Variants in MPPED2 observed in about 807,000 individuals in gnomAD.
MPPED2 encodes the protein metallophosphoesterase MPPED2.
A neutral mutation model predicts 33.0 loss-of-function variants in MPPED2; 5 were observed. That is an observed-to-expected ratio of 0.15 (90% CI 0.08 to 0.32). The LOEUF is 0.32. Among genes scored for constraint, MPPED2 ranks in the 10% least tolerant of loss-of-function variants. MPPED2 has a pLI of 1.00. For missense variants in MPPED2, 275 were observed against 372.1 expected (o/e 0.74, Z 2.15); for synonymous variants, 136 against 141.9 (o/e 0.96, Z 0.29).
intron 4 of MPPED2, among the ~76,000 whole-genome samples, chr11:30,438,608 A>G (rs1214074222): frequency 1.3e-5 from 2 of 152,236 alleles, no homozygotes; most frequent in East Asian, 3.8e-4. Flanking sequence ...TATTTTTTAA[A>G]CCCATACATA....
chr11:30,448,343 T>C (rs891255410), intron 4 of MPPED2, among the ~76,000 whole-genome samples: 2 of 152,188 alleles, frequency 1.3e-5, no homozygotes, highest in Non-Finnish European at 2.9e-5. Context: ...AACTGGGCGC[T>C]CAGACTTGAG....
chr11:30,538,032 C>G (rs1954906151), intron 2 of MPPED2, among the ~76,000 whole-genome samples: 1 of 152,086 alleles, frequency 6.6e-6, no homozygotes, highest in Non-Finnish European at 1.5e-5. Flanking sequence ...CTGGGGCTGA[C>G]TGTGTCACTC....
chr11:30,403,508 A>G (rs1455787338), intron 6 of MPPED2, among the ~76,000 whole-genome samples: 1 of 152,206 alleles, frequency 6.6e-6, no homozygotes, highest in African/African-American at 2.4e-5. Context: ...TCCAAGTTAC[A>G]TGTTTCAGCT....
At chr11:30,501,593 T>C in intron 3 of MPPED2, 1 of 973,656 alleles carries the variant, frequency 1.0e-6, no homozygotes, top group Non-Finnish European at 1.2e-6. Context: ...CTCTCATTCA[T>C]GAATGATTAG....
downstream of MPPED2, among the ~76,000 whole-genome samples, chr11:30,408,853 T>C (rs1229934940): frequency 6.6e-6 from 1 of 152,214 alleles, no homozygotes; most frequent in Non-Finnish European, 1.5e-5. Flanking sequence ...GATGGACGGA[T>C]AGGAAGTGCC....
intron 2 of MPPED2, among the ~76,000 whole-genome samples, chr11:30,538,428 C>A (rs1954928207): frequency 6.6e-6 from 1 of 152,120 alleles, no homozygotes; most frequent in Admixed American, 6.5e-5. Context: ...TGAATCTACC[C>A]ACTTTAAAGT....
chr11:30,512,559 A>G (rs1953277800), intron 3 of MPPED2, among the ~76,000 whole-genome samples: 1 of 152,202 alleles, frequency 6.6e-6, no homozygotes, highest in Non-Finnish European at 1.5e-5. Flanking sequence ...CCACAACACC[A>G]CATTTCTAGC....
At chr11:30,528,536 C>G (rs1306624513) in intron 3 of MPPED2, among the ~76,000 whole-genome samples, 1 of 152,108 alleles carries the variant, frequency 6.6e-6, no homozygotes, top group Non-Finnish European at 1.5e-5. Context: ...GGATTATAGG[C>G]GTGAGCCACC....
intron 2 of MPPED2, among the ~76,000 whole-genome samples, chr11:30,548,657 A>G (rs1275184013): frequency 6.6e-6 from 1 of 152,072 alleles, no homozygotes; most frequent in African/African-American, 2.4e-5. Context: ...TCTTCACAAA[A>G]GAAGGTGCAT....
intron 4 of MPPED2, among the ~76,000 whole-genome samples, chr11:30,462,897 AT>A (rs1950562376): frequency 1.3e-5 from 2 of 152,194 alleles, no homozygotes; most frequent in African/African-American, 4.8e-5. Flanking sequence ...ATATGAAGAG[AT>A]TTTAAATCTG....
chr11:30,482,767 G>A (rs1951548958), intron 4 of MPPED2, among the ~76,000 whole-genome samples: 1 of 151,962 alleles, frequency 6.6e-6, no homozygotes, highest in Admixed American at 6.6e-5. Context: ...TCATAATTAT[G>A]TATCAAGAGT....
At chr11:30,526,335 G>GAA (rs888866556) in intron 3 of MPPED2, among the ~76,000 whole-genome samples, 5 of 148,964 alleles carry the variant, frequency 3.4e-5, no homozygotes, top group African/African-American at 1.2e-4. Flanking sequence ...AAAGGGGAAA[G>GAA]AAAAAAAAAT....
In MPPED2 at chr11:30,411,403, G is replaced by C; in HGVS notation, c.*65C>G. The C allele has an allele frequency of 6.5e-7, 1 of 1,526,936 alleles. No homozygotes were observed. The highest frequency in any genetic ancestry group is 8.8e-7 in the Non-Finnish European group (1 of 1,130,552). 94.6% of individuals were successfully genotyped at this position (1,526,936 alleles called of 1,614,324 possible). On this transcript the variant is annotated 3_prime_UTR_variant, in exon 7 of 7. Coordinates refer to ENST00000358117, the MANE Select transcript of MPPED2 (RefSeq NM_001584.3). ...TTTGTAAATAAGTAAGAGAATGTAA[G>C]TTTATAATTAGAAAAATGGCAGTTT...
intron 5 of MPPED2, among the ~76,000 whole-genome samples, chr11:30,416,628 T>C (rs901756898): frequency 3.3e-5 from 5 of 152,140 alleles, no homozygotes; most frequent in African/African-American, 4.8e-5. Context: ...AAAGGGTAGA[T>C]TTCATGTTAT....
upstream of MPPED2, chr11:30,586,675 A>C (rs544564927): frequency 5.2e-5 from 8 of 152,398 alleles, no homozygotes; most frequent in South Asian, 2.1e-4. This position sits in a 1 kb window ranked among gnomAD's most constrained non-coding sequence, Gnocchi z 4.8. Context: ...CCAGGAAAAG[A>C]AGGGAGCTTT....
At chr11:30,494,737 CAAAAAA>C (rs767500886) in intron 4 of MPPED2, among the ~76,000 whole-genome samples, 6 of 47,616 alleles carry the variant, frequency 1.3e-4, no homozygotes, top group African/African-American at 3.5e-4. Flanking sequence ...TACTCCACCT[CAAAAAA>C]AAAAAAAAAA....
chr11:30,474,358 G>A (rs1443754531), intron 4 of MPPED2, among the ~76,000 whole-genome samples: 1 of 152,130 alleles, frequency 6.6e-6, no homozygotes, highest in African/African-American at 2.4e-5. Flanking sequence ...TACCTCATGT[G>A]TTTATCTTTG....
chr11:30,478,925 A>C (rs1951348291), intron 4 of MPPED2, among the ~76,000 whole-genome samples: 1 of 152,104 alleles, frequency 6.6e-6, no homozygotes, highest in African/African-American at 2.4e-5. Flanking sequence ...ACAGAGAAAA[A>C]AGTTCTTGAT....
rs547500915 is a variant in MPPED2, at chr11:30,549,895, C to CT, written c.129-13721dup. On this transcript the variant is annotated intron_variant, in intron 2 of 6. Coordinates refer to ENST00000358117, the MANE Select transcript of MPPED2 (RefSeq NM_001584.3). ...AAAGTTAGCCTTGAAAATTCTCTGG[C>CT]TCACTGCTTGTTTTTAAATCATCTT... 2.8e-4 allele frequency among the ~76,000 whole-genome samples: 43 copies of CT among 152,278 alleles called. 1 individual carries two copies. The South Asian group carries it at 8.7e-3, about 31-fold the overall frequency.
Sources: allele counts gnomAD v4.1 joint callset (sites outside exome capture counted in the v4.1 genomes callset), GRCh38; gene constraint gnomAD v4.1.1; non-coding constraint Gnocchi (gnomAD v3.1); transcripts MANE v1.5; gene names NCBI Gene and HGNC (gene_info 2026-07-23, HGNC 2026-07-21).